The following FBXO25 variants were observed in gnomAD, a reference collection of about 807,000 sequenced individuals.
FBXO25 encodes F-box protein 25, also known as F-box only protein 25.
A neutral mutation model predicts 51.9 loss-of-function variants in FBXO25; 45 were observed. The ratio of observed to expected loss-of-function variants is 0.87; its 90% CI spans 0.68 to 1.11. The LOEUF is 1.11. Among genes scored for constraint, FBXO25 ranks in the 50% most tolerant of loss-of-function variants. The pLI is 0.00. For missense variants in FBXO25, 507 were observed against 428.5 expected (o/e 1.18, Z -1.62); for synonymous variants, 199 against 151.0 (o/e 1.32, Z -2.33).
rs977003508 is a variant in FBXO25 at position 472,802 on chromosome 8, G to C, written c.*3998G>C. ...ATAAGTGGACTGTGAAACCTAGTCT[G>C]TTCTGCTTATCTTCAGAATTATCAA... On this transcript the variant is annotated 3_prime_UTR_variant, in exon 10 of 10. Coordinates refer to ENST00000350302, the MANE Select transcript of FBXO25 (RefSeq NM_183420.2). 6.6e-6 allele frequency: 1 copy of C among 152,210 alleles called. No individual in the cohort carries two copies. The highest frequency in any genetic ancestry group is 6.5e-5 in the Admixed American group (1 of 15,286). 9.4% of individuals were successfully genotyped at this position (152,210 alleles called of 1,614,324 possible). A position where few individuals can be genotyped will look rare whatever the true frequency, so the allele number is the denominator to read the frequency against.
At chr8:419,134 C>A (rs566348279) in intron 2 of FBXO25, among the ~76,000 whole-genome samples, 2 of 151,572 alleles carry the variant, frequency 1.3e-5, no homozygotes, top group Admixed American at 6.6e-5. Flanking sequence ...CCAAGGCGGG[C>A]GGATCACCTG....
chr8:429,778 C>T, intron 2 of FBXO25, among the ~76,000 whole-genome samples: 1 of 152,240 alleles, frequency 6.6e-6, no homozygotes, highest in Admixed American at 6.5e-5. Flanking sequence ...TGCTGAAGTT[C>T]TCTGAGCCCT....
rs570780309 is a variant in FBXO25, at chr8:473,327, G to A, written c.*4523G>A. 10 of 152,434 alleles carry A rather than the reference G, an allele frequency of 6.6e-5. 1 individual carries two copies. In the East Asian group the frequency reaches 1.9e-3, roughly 29 times the overall value. 9.4% of individuals were successfully genotyped at this position (152,434 alleles called of 1,614,324 possible). ...TAAAAAGCCCTGGCTCACAGCATGA[G>A]ACAGTGTGTTCTAGGTGGTAACGTG... On this transcript the variant is annotated 3_prime_UTR_variant, in exon 10 of 10. Transcript: ENST00000350302.
chr8:424,622 T>C (rs1382002803), intron 2 of FBXO25, among the ~76,000 whole-genome samples: 1 of 152,212 alleles, frequency 6.6e-6, no homozygotes, highest in Admixed American at 6.5e-5. Context: ...AATAGGATGG[T>C]CTTTTTCCAC....
chr8:420,000 A>T (rs1478319968), intron 2 of FBXO25, among the ~76,000 whole-genome samples: 1 of 152,192 alleles, frequency 6.6e-6, no homozygotes, highest in Non-Finnish European at 1.5e-5. Flanking sequence ...GATTGCAGAG[A>T]AGCCCATGCA....
chr8:452,885 C>T (rs1000889942), intron 7 of FBXO25, among the ~76,000 whole-genome samples: 2 of 152,164 alleles, frequency 1.3e-5, no homozygotes, highest in Non-Finnish European at 2.9e-5. Flanking sequence ...CGAGACAGAG[C>T]AGGAAGGCAT....
intron 2 of FBXO25, among the ~76,000 whole-genome samples, chr8:419,006 G>A (rs1414916267): frequency 6.6e-6 from 1 of 152,046 alleles, no homozygotes; most frequent in Non-Finnish European, 1.5e-5. Context: ...ACCACAAGCT[G>A]TGAAAGAAAA....
intron 7 of FBXO25, among the ~76,000 whole-genome samples, chr8:457,390 T>G (rs1286108636): frequency 6.6e-6 from 1 of 152,222 alleles, no homozygotes; most frequent in Non-Finnish European, 1.5e-5. Flanking sequence ...TTCAGCCCAC[T>G]TCTTGGGGCC....
At chr8:458,739 A>C (rs1799614793) in intron 8 of FBXO25, among the ~76,000 whole-genome samples, 188 bp downstream of exon 8, 1 of 152,212 alleles carries the variant, frequency 6.6e-6, no homozygotes, top group South Asian at 2.1e-4. Flanking sequence ...TTTATTTTTC[A>C]TATTGAATAG....
At chr8:424,423 CAA>C (rs1322675311) in intron 2 of FBXO25, among the ~76,000 whole-genome samples, 1 of 152,046 alleles carries the variant, frequency 6.6e-6, no homozygotes, top group Non-Finnish European at 1.5e-5. Flanking sequence ...GGAACTTAGC[CAA>C]AAATTCTTTG....
At chr8:425,404 T>C (rs901723715) in intron 2 of FBXO25, among the ~76,000 whole-genome samples, 2 of 148,550 alleles carry the variant, frequency 1.3e-5, no homozygotes, top group African/African-American at 4.9e-5. Context: ...AACTTTCTTA[T>C]TTTTTTTTTT....
At chr8:415,891 A>G (rs759303321) in intron 2 of FBXO25, among the ~76,000 whole-genome samples, 8 of 152,178 alleles carry the variant, frequency 5.3e-5, no homozygotes, top group East Asian at 1.9e-4. Flanking sequence ...TTTCAGTGTT[A>G]TTATGGGCAC....
chr8:457,957 C>T (rs1799562340), intron 7 of FBXO25, among the ~76,000 whole-genome samples: 1 of 152,214 alleles, frequency 6.6e-6, no homozygotes, highest in South Asian at 2.1e-4. Flanking sequence ...TGGCACAGGC[C>T]CTGCCCCCTG....
At chr8:420,862 T>G (rs549454127) in intron 2 of FBXO25, among the ~76,000 whole-genome samples, 38 of 152,324 alleles carry the variant, frequency 2.5e-4, no homozygotes, top group African/African-American at 8.9e-4. Context: ...TGTGCACCTG[T>G]CAAAACCCAT....
chr8:465,620 G>C (rs1341862939), intron 9 of FBXO25, among the ~76,000 whole-genome samples: 3 of 152,146 alleles, frequency 2.0e-5, no homozygotes, highest in Non-Finnish European at 4.4e-5. Context: ...AAGTGTTTCA[G>C]ATTTCAGATT....
rs1800482377 is a variant in FBXO25, at chr8:471,497, CAATGAAGTAGAT to C, written c.*2697_*2708del. 1 of 152,164 alleles carries C rather than the reference CAATGAAGTAGAT, an allele frequency of 6.6e-6. No homozygotes were observed. The highest frequency in any genetic ancestry group is 6.5e-5 in the Admixed American group (1 of 15,278). 9.4% of individuals were successfully genotyped at this position (152,164 alleles called of 1,614,324 possible). A position where few individuals can be genotyped will look rare whatever the true frequency, so the allele number is the denominator to read the frequency against. ...AAGTTACATTCTGATGCCTTCATTACAATGAAGTAGATAATTCAGGACCCCAGGAGCCTAAAG... is the reference window on the plus strand; with the variant it reads ...AAGTTACATTCTGATGCCTTCATTACAATTCAGGACCCCAGGAGCCTAAAG... On this transcript the variant is annotated 3_prime_UTR_variant, in exon 10 of 10. Transcript: ENST00000350302.
At chr8:417,667 A>T (rs908900336) in intron 2 of FBXO25, among the ~76,000 whole-genome samples, 1 of 152,180 alleles carries the variant, frequency 6.6e-6, no homozygotes, top group Admixed American at 6.5e-5. Context: ...TGGTGTCACC[A>T]TGTTCTCCTA....
chr8:474,399 A>C lies in FBXO25; in HGVS notation c.*5595A>C. 3.6e-6 allele frequency: 1 copy of C among 275,160 alleles called. No homozygotes were observed. Among genetic ancestry groups the C allele is most frequent in the South Asian group, 3.8e-5 (1 of 26,610 alleles). The allele number at this position is 275,160 out of a possible 1,614,324, so 17.0% of individuals were successfully genotyped here. A position where few individuals can be genotyped will look rare whatever the true frequency, so the allele number is the denominator to read the frequency against. Reference sequence around the variant, plus strand: ...TATTGTGAATATTGCTGCCGTAAACATGGGTGTGCAAATATCTGAGTCTCT... The same window carrying C: ...TATTGTGAATATTGCTGCCGTAAACCTGGGTGTGCAAATATCTGAGTCTCT... On this transcript the variant is annotated 3_prime_UTR_variant, in exon 10 of 10. Coordinates refer to ENST00000350302, the MANE Select transcript of FBXO25 (RefSeq NM_183420.2).
intron 6 of FBXO25, among the ~76,000 whole-genome samples, chr8:450,401 C>T (rs1346484276): frequency 1.3e-5 from 2 of 152,138 alleles, no homozygotes; most frequent in African/African-American, 4.8e-5. Context: ...CCAAAATTAG[C>T]AGGATTGTGA....
Sources: allele counts gnomAD v4.1 joint callset (sites outside exome capture counted in the v4.1 genomes callset), GRCh38; gene constraint gnomAD v4.1.1; transcripts MANE v1.5; gene names NCBI Gene and HGNC (gene_info 2026-07-23, HGNC 2026-07-21).